Variants in CCDC102B observed in about 807,000 individuals in gnomAD.
The protein encoded by CCDC102B is coiled-coil domain-containing protein 102B.
A neutral mutation model predicts 57.4 loss-of-function variants in CCDC102B; 75 were observed. That is an observed-to-expected ratio of 1.31 (90% CI 1.08 to 1.58). The LOEUF is 1.58. Among genes scored for constraint, CCDC102B ranks in the 40% most tolerant of loss-of-function variants. The pLI, the probability that CCDC102B is intolerant of heterozygous loss-of-function variation, is 0.00. For missense variants in CCDC102B, 636 were observed against 582.6 expected (o/e 1.09, Z -0.94); for synonymous variants, 206 against 201.9 (o/e 1.02, Z -0.17).
intron 6 of CCDC102B, among the ~76,000 whole-genome samples, chr18:68,940,446 C>T (rs1599723472): frequency 6.6e-6 from 1 of 151,788 alleles, no homozygotes; most frequent in Admixed American, 6.6e-5. Flanking sequence ...ATTAATGAAT[C>T]ACATTACATA....
chr18:69,006,493 G>A (rs893002587), intron 6 of CCDC102B, among the ~76,000 whole-genome samples: 28 of 151,734 alleles, frequency 1.8e-4, no homozygotes, highest in Middle Eastern at 3.4e-3. Flanking sequence ...CAGGATCTCG[G>A]CTCACTGCAA....
chr18:68,856,051 G>A (rs1421986014), intron 4 of CCDC102B, among the ~76,000 whole-genome samples: 2 of 152,100 alleles, frequency 1.3e-5, no homozygotes, highest in African/African-American at 4.8e-5. Context: ...TTGCAGAAAT[G>A]TAAGATCTTT....
Position 68,948,246 on chromosome 18 carries a change from T to C in CCDC102B, c.1263+50818T>C, listed in dbSNP as rs1173443751. On this transcript the variant is annotated intron_variant, in intron 6 of 7. Transcript: ENST00000360242. ...AAATTAGAATTACAGTTAAAGCATATTGTCGATGTACAGGGTAATTTCTGT... is the reference window on the plus strand; with the variant it reads ...AAATTAGAATTACAGTTAAAGCATACTGTCGATGTACAGGGTAATTTCTGT... 2.6e-5 allele frequency among the ~76,000 whole-genome samples: 4 copies of C among 152,126 alleles called. No individual in the cohort carries two copies. The East Asian group carries it at 7.7e-4, about 29-fold the overall frequency.
chr18:68,984,828 T>A (rs2050684536), intron 6 of CCDC102B, among the ~76,000 whole-genome samples: 1 of 152,162 alleles, frequency 6.6e-6, no homozygotes, highest in African/African-American at 2.4e-5. Flanking sequence ...AGACATTGCA[T>A]GAGATTAATG....
intron 7 of CCDC102B, among the ~76,000 whole-genome samples, chr18:69,038,634 A>G (rs555237344): frequency 6.6e-6 from 1 of 152,050 alleles, no homozygotes; most frequent in Non-Finnish European, 1.5e-5. Flanking sequence ...TTTTTACACT[A>G]TTTCCTTCCA....
intron 4 of CCDC102B, among the ~76,000 whole-genome samples, chr18:68,864,654 A>G (rs1318952832): frequency 1.3e-5 from 2 of 151,952 alleles, no homozygotes; most frequent in African/African-American, 4.8e-5. Flanking sequence ...GCATACTTTC[A>G]CTATCTTTGA....
chr18:68,933,098 A>C (rs201060365), intron 6 of CCDC102B, among the ~76,000 whole-genome samples: 43,742 of 135,412 alleles, frequency 0.32, 7,790 homozygotes, highest in East Asian at 0.64. Context: ...TACTCCTCAT[A>C]AAAAAAAAAA....
chr18:68,902,032 T>C (rs2040473237), intron 6 of CCDC102B, among the ~76,000 whole-genome samples: 1 of 152,224 alleles, frequency 6.6e-6, no homozygotes, highest in Non-Finnish European at 1.5e-5. Flanking sequence ...ATTCTGCTGG[T>C]CCACAGACTG....
chr18:68,842,383 C>G (rs2037672845), intron 3 of CCDC102B, among the ~76,000 whole-genome samples: 1 of 152,086 alleles, frequency 6.6e-6, no homozygotes, highest in East Asian at 1.9e-4. Flanking sequence ...AAACCTTTAC[C>G]ATTTTTTGAC....
intron 7 of CCDC102B, among the ~76,000 whole-genome samples, chr18:69,040,697 C>T (rs1007097524): frequency 2.6e-5 from 4 of 151,860 alleles, no homozygotes; most frequent in Admixed American, 2.0e-4. Flanking sequence ...AATATGTCAA[C>T]GTTTTGTGAC....
intron 2 of CCDC102B, among the ~76,000 whole-genome samples, chr18:68,722,878 A>AT (rs978825403): frequency 1.6e-4 from 19 of 115,462 alleles, no homozygotes; most frequent in African/African-American, 3.9e-4. Context: ...ATCTGCTTTT[A>AT]TTTTTTTTTC....
At chr18:68,865,593 C>G (rs1454566080) in intron 4 of CCDC102B, among the ~76,000 whole-genome samples, 1 of 152,096 alleles carries the variant, frequency 6.6e-6, no homozygotes, top group South Asian at 2.1e-4. Context: ...AGCAAGTTTT[C>G]CTCTCCTATA....
chr18:68,746,465 C>G (rs1358171441), intron 2 of CCDC102B, among the ~76,000 whole-genome samples: 1 of 152,062 alleles, frequency 6.6e-6, no homozygotes, highest in Non-Finnish European at 1.5e-5. Context: ...TCTTCATAAT[C>G]CAAGCCATAC....
chr18:69,057,499 C>G (rs1214955016), downstream of CCDC102B, among the ~76,000 whole-genome samples: 1 of 151,990 alleles, frequency 6.6e-6, no homozygotes, highest in Non-Finnish European at 1.5e-5. Flanking sequence ...AGTAACCTCT[C>G]AATACTCAGG....
intron 2 of CCDC102B, among the ~76,000 whole-genome samples, chr18:68,765,391 AAAAG>A (rs958058111): frequency 5.4e-5 from 8 of 149,524 alleles, no homozygotes; most frequent in African/African-American, 7.5e-5. Context: ...AGAAAGAAAG[AAAAG>A]AAAGGAAGGA....
intron 1 of CCDC102B, among the ~76,000 whole-genome samples, chr18:68,818,068 A>G (rs62097567): frequency 0.43 from 65,461 of 151,790 alleles, 15,387 homozygotes; most frequent in East Asian, 0.86. Context: ...TCTCCATATT[A>G]AACTACATTA....
intron 2 of CCDC102B, among the ~76,000 whole-genome samples, chr18:68,777,440 C>T (rs2034859548): frequency 6.6e-6 from 1 of 152,134 alleles, no homozygotes; most frequent in South Asian, 2.1e-4. Flanking sequence ...AGGCAAATAC[C>T]TTCACAATGA....
intron 2 of CCDC102B, among the ~76,000 whole-genome samples, chr18:68,733,478 T>TTATATATACATATATATATATA: frequency 4.0e-5 from 1 of 25,142 alleles, no homozygotes; most frequent in African/African-American, 1.6e-4. Flanking sequence ...TTAGACAACT[T>TTATATATACATATATATATATA]TATATATATA....
downstream of CCDC102B, among the ~76,000 whole-genome samples, chr18:69,056,643 A>AGATG (rs1555678892): frequency 6.8e-6 from 1 of 146,794 alleles, no homozygotes; most frequent in African/African-American, 2.5e-5. Context: ...GATAATAGAT[A>AGATG]GATAGATAGA....
Sources: allele counts gnomAD v4.1 joint callset (sites outside exome capture counted in the v4.1 genomes callset), GRCh38; gene constraint gnomAD v4.1.1; transcripts MANE v1.5; gene names NCBI Gene and HGNC (gene_info 2026-07-23, HGNC 2026-07-21).